Variants in MMAB observed in about 807,000 individuals in gnomAD.
MMAB encodes the protein metabolism of cobalamin associated B.
Under a neutral mutation model 30.6 loss-of-function variants are expected in MMAB, and 17 were observed. The ratio of observed to expected loss-of-function variants is 0.56; its 90% CI spans 0.38 to 0.83. MMAB has a LOEUF of 0.83. Among genes scored for constraint, MMAB ranks in the 40% least tolerant of loss-of-function variants. The pLI is 0.00. For missense variants in MMAB, 311 were observed against 331.6 expected (o/e 0.94, Z 0.48); for synonymous variants, 134 against 138.6 (o/e 0.97, Z 0.23).
At chr12:109,568,106 GCA>G (rs1360918264) in intron 3 of MMAB, 3 of 155,834 alleles carry the variant, frequency 1.9e-5, no homozygotes, top group African/African-American at 7.2e-5. Context: ...CACTGACACT[GCA>G]CAATCCCCTG....
At position 109,569,009 on chromosome 12, in the gene MMAB, G is replaced by T. The variant is rs12830693; in HGVS notation, c.197-146C>A. On this transcript the variant is annotated intron_variant, in intron 2 of 8. Transcript: ENST00000545712. This position sits in a 1 kb window ranked among gnomAD's most constrained non-coding sequence, Gnocchi z 4.1. ...CATCCAGGCTGGAGTACAGCGGCGT[G>T]ATCTTGGCTCACTGCAGCCTCCCCC... 0.15 allele frequency: 103,517 copies of T among 687,648 alleles called. 8,662 individuals are homozygous for T. The highest frequency in any genetic ancestry group is 0.18 in the Middle Eastern group (511 of 2,812). 42.6% of individuals were successfully genotyped at this position (687,648 alleles called of 1,614,324 possible). A position where few individuals can be genotyped will look rare whatever the true frequency, so the allele number is the denominator to read the frequency against.
intron 7 of MMAB, among the ~76,000 whole-genome samples, chr12:109,560,155 A>G (rs1301446761): frequency 6.6e-6 from 1 of 152,172 alleles, no homozygotes; most frequent in Non-Finnish European, 1.5e-5. Context: ...TGGGATCTCT[A>G]AGGAGCTATC....
rs750985024 is a variant in MMAB at position 109,561,296 on chromosome 12, A to T, written c.519+124T>A. The T allele has an allele frequency of 1.9e-6, 3 of 1,563,674 alleles. No individual in the cohort carries two copies. The Admixed American group carries it at 5.6e-5, about 29-fold the overall frequency. ...CTGGGAGGGACCGGTGAGGACCTGGAGGGACTTGGGGAACTGGAGGACAGC... is the reference window on the plus strand; with the variant it reads ...CTGGGAGGGACCGGTGAGGACCTGGTGGGACTTGGGGAACTGGAGGACAGC... On this transcript the variant is annotated intron_variant, in intron 6 of 8. Transcript: ENST00000545712. The surrounding 1 kb of genome is among the most constrained non-coding windows in gnomAD (Gnocchi z 5.3).
Position 109,556,362 on chromosome 12 carries a change from C to G in MMAB, c.*666G>C, listed in dbSNP as rs1220941211. 2.2e-6 allele frequency: 1 copy of G among 453,944 alleles called. No individual in the cohort carries two copies. Among genetic ancestry groups the G allele is most frequent in the Non-Finnish European group, 4.4e-6 (1 of 226,738 alleles). 28.1% of individuals were successfully genotyped at this position (453,944 alleles called of 1,614,324 possible). ...TGTTGTTCTCATCAGCATCTCCATC[C>G]CTTTCAGAGGGGGTCCTCTAAGCTG... On this transcript the variant is annotated 3_prime_UTR_variant, in exon 9 of 9. Transcript: ENST00000545712.
At chr12:109,571,820 C>A (rs181468411) in intron 1 of MMAB, 110 bp from the exon 2 acceptor site, 44 of 828,380 alleles carry the variant, frequency 5.3e-5, no homozygotes, top group Non-Finnish European at 8.4e-5. Context: ...GCAGCACTTA[C>A]CCCTTACTGC....
chr12:109,564,197 ACCC>A (rs1229374895), intron 4 of MMAB, among the ~76,000 whole-genome samples: 1 of 152,044 alleles, frequency 6.6e-6, no homozygotes, highest in Non-Finnish European at 1.5e-5. Flanking sequence ...TGCCAGCAAC[ACCC>A]CCAACACCCA....
rs1176942341 is a variant in MMAB at position 109,558,843 on chromosome 12, G to A, written c.644+253C>T. ...CTTTGCACTTAGGTTTTTCTTCCTG[G>A]TTTTTACAGCAGCCTCTCCCAATAA... is the stretch of plus-strand genomic sequence containing the variant. On this transcript the variant is annotated intron_variant, in intron 8 of 8. Transcript: ENST00000545712. This position sits in a 1 kb window ranked among gnomAD's most constrained non-coding sequence, Gnocchi z 4.3. 6.6e-6 allele frequency among the ~76,000 whole-genome samples: 1 copy of A among 152,046 alleles called. No homozygotes were observed. The highest frequency in any genetic ancestry group is 1.5e-5 in the Non-Finnish European group (1 of 68,026).
Position 109,561,067 on chromosome 12 carries a change from C to G in MMAB, c.557G>C (p.Arg186Pro). ...GKISSALHFC[R>P]AVCRRAERRV... ...TCTCTCGGCCCGGCGGCACACGGCC[C>G]GGCAGAAATGCAGCGCCGAGCTGAT... The change falls in exon 7 of 9, where the codon CGG becomes CCG. Residue 186 changes from arginine to proline, a missense_variant. Physicochemically the swap from Arg to Pro is moderately radical, Grantham distance 103. Transcript: ENST00000545712. The surrounding 1 kb of genome is among the most constrained non-coding windows in gnomAD (Gnocchi z 5.3). 1 of 1,611,000 alleles carries G rather than the reference C, an allele frequency of 6.2e-7. No homozygotes were observed.
intron 3 of MMAB, chr12:109,566,894 G>T: frequency 2.3e-6 from 1 of 441,318 alleles, no homozygotes; most frequent in Non-Finnish European, 4.6e-6. Context: ...TTGCCCACTT[G>T]GTCTTGTGTC....
intron 7 of MMAB, among the ~76,000 whole-genome samples, chr12:109,560,486 A>G (rs892388723): frequency 2.6e-5 from 4 of 152,214 alleles, no homozygotes; most frequent in Non-Finnish European, 5.9e-5. Flanking sequence ...AGTGGTGTAG[A>G]TAGAGACTTT....
chr12:109,564,630 G>A (rs146535085), intron 4 of MMAB, among the ~76,000 whole-genome samples: 110 of 151,048 alleles, frequency 7.3e-4, no homozygotes, highest in African/African-American at 2.6e-3. Context: ...GGCTTGAAGT[G>A]ATGCTCCCAC....
At position 109,556,888 on chromosome 12, in the gene MMAB, A is replaced by C. The variant is rs1311688149; in HGVS notation, c.*140T>G. 1 of 698,794 alleles carries C rather than the reference A, an allele frequency of 1.4e-6. No individual in the cohort carries two copies. Among genetic ancestry groups the C allele is most frequent in the African/African-American group, 1.8e-5 (1 of 57,022 alleles). The allele number at this position is 698,794 out of a possible 1,614,324, so 43.3% of individuals were successfully genotyped here. ...TTGAGGAAGGTGGCAAGAGGTGTAGATCAAAGCTGAGCTGGGACAAAAGGC... is the reference window on the plus strand; with the variant it reads ...TTGAGGAAGGTGGCAAGAGGTGTAGCTCAAAGCTGAGCTGGGACAAAAGGC... On this transcript the variant is annotated 3_prime_UTR_variant, in exon 9 of 9. Coordinates refer to ENST00000545712, the MANE Select transcript of MMAB (RefSeq NM_052845.4).
rs10850379 is a variant in MMAB at position 109,564,972 on chromosome 12, C to T, written c.348+147G>A. On this transcript the variant is annotated intron_variant, in intron 4 of 8. Transcript: ENST00000545712. Reference sequence around the variant, plus strand: ...TGTGAGCCACCATACCTGGCCTGTCCGCATTTTACAGATGAAGAAATGGAG... The same window carrying T: ...TGTGAGCCACCATACCTGGCCTGTCTGCATTTTACAGATGAAGAAATGGAG... The T allele has an allele frequency of 0.41, 318,221 of 782,734 alleles. 66,568 individuals are homozygous for T. Among genetic ancestry groups the T allele is most frequent in the Middle Eastern group, 0.47 (1,350 of 2,868 alleles). 48.5% of individuals were successfully genotyped at this position (782,734 alleles called of 1,614,324 possible).
Position 109,559,122 on chromosome 12 carries a change from A to T in MMAB, c.618T>A (p.Asp206Glu), listed in dbSNP as rs1461731163. 1 of 1,613,928 alleles carries T rather than the reference A, an allele frequency of 6.2e-7. No homozygotes were observed. The highest frequency in any genetic ancestry group is 2.2e-5 in the East Asian group (1 of 44,878). Residue 206 changes from aspartate to glutamate, a missense_variant, in exon 8 of 9, where the codon GAT becomes GAA. Asp to Glu is a conservative substitution (Grantham distance 45). Transcript: ENST00000545712. ...TGTTTAAGAACTTGGCCACGTTCGC[A>T]TCGGTCTCTCCCATCTGGACAAGAG... is the stretch of plus-strand genomic sequence containing the variant. Reference protein sequence around the residue: ...VVPLVQMGETDANVAKFLNRL... With the variant: ...VVPLVQMGETEANVAKFLNRL...
rs1182090624 is a variant in MMAB, at chr12:109,554,734, A to G, written c.*2294T>C. 4.4e-6 allele frequency: 2 copies of G among 454,140 alleles called. No homozygotes were observed. Among genetic ancestry groups the G allele is most frequent in the Admixed American group, 4.7e-5 (2 of 42,574 alleles). The allele number at this position is 454,140 out of a possible 1,614,324, so 28.1% of individuals were successfully genotyped here. A position where few individuals can be genotyped will look rare whatever the true frequency, so the allele number is the denominator to read the frequency against. ...ATTTGCTCAGTGTACAGAGGGGTAC[A>G]CATCTTTTCTTTTGCCTCGGGCTCT... On this transcript the variant is annotated 3_prime_UTR_variant, in exon 9 of 9. Transcript: ENST00000545712.
In MMAB at chr12:109,565,374, C is replaced by T. The variant is rs555471184; in HGVS notation, c.291-198G>A. Among the ~76,000 whole-genome samples the T allele has an allele frequency of 5.9e-5, 9 of 152,286 alleles. 1 individual carries two copies. Among genetic ancestry groups the T allele is most frequent in the African/African-American group, 1.7e-4 (7 of 41,558 alleles). ...GTATTTGTTTCTTGAAATGCCTTTTCGGATGCTCATTATTTCCAGTCAAGA... is the reference window on the plus strand; with the variant it reads ...GTATTTGTTTCTTGAAATGCCTTTTTGGATGCTCATTATTTCCAGTCAAGA... On this transcript the variant is annotated intron_variant, in intron 3 of 8. Coordinates refer to ENST00000545712, the MANE Select transcript of MMAB (RefSeq NM_052845.4).
intron 4 of MMAB, among the ~76,000 whole-genome samples, chr12:109,564,477 A>G (rs1305767843): frequency 1.3e-5 from 2 of 150,634 alleles, no homozygotes; most frequent in East Asian, 3.9e-4. Flanking sequence ...TCAACCTGTA[A>G]GACTCAAGCG....
chr12:109,556,646 T>TCACACACACA lies in MMAB; in HGVS notation c.*381_*382insTGTGTGTGTG, dbSNP rs1555273932. ...CTGAGCTGGCAGTGGGAGGGCTCTC[T>TCACACACACA]CTCACACACACACACACACACACAC... is the stretch of plus-strand genomic sequence containing the variant. On this transcript the variant is annotated 3_prime_UTR_variant, in exon 9 of 9. Transcript: ENST00000545712. The TCACACACACA allele has an allele frequency of 4.9e-5, 21 of 427,918 alleles. No homozygotes were observed. In the East Asian group the frequency reaches 5.8e-4, roughly 12 times the overall value. The allele number at this position is 427,918 out of a possible 1,614,324, so 26.5% of individuals were successfully genotyped here.
intron 2 of MMAB, 116 bp downstream of exon 2, chr12:109,571,533 T>C (rs987421581): frequency 9.5e-6 from 9 of 949,044 alleles, no homozygotes; most frequent in Non-Finnish European, 1.2e-5. Context: ...ATTACAGGCA[T>C]GAGCCACCGC....
Sources: allele counts gnomAD v4.1 joint callset (sites outside exome capture counted in the v4.1 genomes callset), GRCh38; gene constraint gnomAD v4.1.1; non-coding constraint Gnocchi (gnomAD v3.1); transcripts MANE v1.5; gene names NCBI Gene and HGNC (gene_info 2026-07-23, HGNC 2026-07-21).